The following COL20A1 variants were observed in gnomAD, a reference collection of about 807,000 sequenced individuals.
The protein encoded by COL20A1 is collagen alpha-1(XX) chain.
In COL20A1, 164 loss-of-function variants were observed where a neutral mutation model predicts 152.9. That is an observed-to-expected ratio of 1.07 (90% CI 0.94 to 1.22). The LOEUF (loss-of-function observed/expected upper bound fraction) is 1.22. Among genes scored for constraint, COL20A1 ranks in the 50% most tolerant of loss-of-function variants. The pLI is 0.00. For synonymous variants in COL20A1, 864 were observed against 756.0 expected (o/e 1.14, Z -2.34); for missense variants, 1,873 against 1,744.8 (o/e 1.07, Z -1.31).
At position 63,311,388 on chromosome 20, in the gene COL20A1, C is replaced by T. The variant is rs756737735; in HGVS notation, c.1394-6C>T. 4 of 1,577,792 alleles carry T rather than the reference C, an allele frequency of 2.5e-6. No individual in the cohort carries two copies. Among genetic ancestry groups the T allele is most frequent in the Non-Finnish European group, 3.4e-6 (4 of 1,163,444 alleles). On this transcript the variant is annotated splice_polypyrimidine_tract_variant and splice_region_variant and intron_variant, in intron 11 of 35. Coordinates refer to ENST00000358894, the MANE Select transcript of COL20A1 (RefSeq NM_020882.4). The surrounding 1 kb of genome is among the most constrained non-coding windows in gnomAD (Gnocchi z 4.4). ...CTTCCTAAAGTGTCCCTGCATGGCCCCCCAGCACCTCTGCCTCCGCCCCGG... is the reference window on the plus strand; with the variant it reads ...CTTCCTAAAGTGTCCCTGCATGGCCTCCCAGCACCTCTGCCTCCGCCCCGG...
At chr20:63,315,686 G>C (rs569414186) in intron 20 of COL20A1, among the ~76,000 whole-genome samples, 1 of 152,164 alleles carries the variant, frequency 6.6e-6, no homozygotes, top group Non-Finnish European at 1.5e-5. Context: ...GCAGCGCTGG[G>C]GGCGCTGGGT....
rs540834802 is a variant in COL20A1 at position 63,320,144 on chromosome 20, G to C, written c.3022G>C (p.Val1008Leu). 1.9e-6 allele frequency: 3 copies of C among 1,550,204 alleles called. No individual in the cohort carries two copies. The highest frequency in any genetic ancestry group is 4.9e-5 in the East Asian group (2 of 41,224). Residue 1008 changes from valine (V) to leucine (L), a missense_variant, in exon 24 of 36, where the codon GTC becomes CTC. Physicochemically the swap from Val to Leu is conservative, Grantham distance 32. Transcript: ENST00000358894. Reference sequence around the variant, plus strand: ...GGGCAGCCCACCCGCTGCGGGCTTCGTCACGCTGGGGAGGCTGGCCAAGGC... The same window carrying C: ...GGGCAGCCCACCCGCTGCGGGCTTCCTCACGCTGGGGAGGCTGGCCAAGGC... ...EMGSPPAAGF[V>L]TLGRLAKARG... is the part of the protein sequence containing the mutation.
rs1214340638 is a variant in COL20A1, at chr20:63,310,377, C to G, written c.1264-4C>G. On this transcript the variant is annotated splice_polypyrimidine_tract_variant and splice_region_variant and intron_variant, in intron 10 of 35. Transcript: ENST00000358894. ...TGGCTCCGTCCTTGCCCACTCTGTTCCAGGTGGTGGTGGAGGGACCCGCCG... is the reference window on the plus strand; with the variant it reads ...TGGCTCCGTCCTTGCCCACTCTGTTGCAGGTGGTGGTGGAGGGACCCGCCG... 3.7e-6 allele frequency: 6 copies of G among 1,610,848 alleles called. No individual in the cohort carries two copies. Among genetic ancestry groups the G allele is most frequent in the Non-Finnish European group, 4.2e-6 (5 of 1,179,258 alleles).
intron 8 of COL20A1, 119 bp downstream of exon 8, chr20:63,308,825 C>T (rs941316940): frequency 2.3e-5 from 21 of 923,488 alleles, no homozygotes; most frequent in Middle Eastern, 3.0e-4. Context: ...ATCTGCGGCA[C>T]GGAGCTGCAC....
Position 63,312,911 on chromosome 20 carries a change from C to CA in COL20A1, c.2053_2054insA (p.Leu685HisfsTer44), listed in dbSNP as rs751275992. On this transcript the variant is annotated frameshift_variant, in exon 16 of 36. Coordinates refer to ENST00000358894, the MANE Select transcript of COL20A1 (RefSeq NM_020882.4). LOFTEE classifies it high-confidence loss of function. ...TGTCTACCAGATCACGTGGACGCCC[C>CA]TGGGAGAGGGGAAGGCTCACGAGGT... 1 of 1,555,702 alleles carries CA rather than the reference C, an allele frequency of 6.4e-7. No individual in the cohort carries two copies. The highest frequency in any genetic ancestry group is 1.4e-5 in the African/African-American group (1 of 73,526).
chr20:63,317,812 G>A (rs1051183543), intron 21 of COL20A1, among the ~76,000 whole-genome samples: 3 of 151,850 alleles, frequency 2.0e-5, no homozygotes, highest in African/African-American at 7.3e-5. Flanking sequence ...CTCCTCTCTG[G>A]GCAGCAGGCT....
intron 3 of COL20A1, among the ~76,000 whole-genome samples, chr20:63,300,994 T>C (rs1287353616): frequency 6.6e-6 from 1 of 152,226 alleles, no homozygotes; most frequent in Non-Finnish European, 1.5e-5. Flanking sequence ...TGGCCAGAAA[T>C]GTACAATATG....
At position 63,313,920 on chromosome 20, in the gene COL20A1, C is replaced by G; in HGVS notation, c.2358+29C>G. The G allele has an allele frequency of 6.3e-7, 1 of 1,584,064 alleles. No homozygotes were observed. Among genetic ancestry groups the G allele is most frequent in the Non-Finnish European group, 8.6e-7 (1 of 1,164,948 alleles). ...AGTCTTGGTAGAGCCTGAGGCTGCC[C>G]CACCTCGTGGGGCCTCCTGGAAGGG... On this transcript the variant is annotated intron_variant, in intron 18 of 35. Coordinates refer to ENST00000358894, the MANE Select transcript of COL20A1 (RefSeq NM_020882.4). The surrounding 1 kb of genome is among the most constrained non-coding windows in gnomAD (Gnocchi z 5.9).
Position 63,329,633 on chromosome 20 carries a change from C to T in COL20A1, c.3830C>T (p.Ala1277Val). ...GQMGSPGQQG[A>V]STQGLWE Reference sequence around the variant, plus strand: ...ATGGGCAGCCCTGGGCAGCAGGGGGCTAGCACCCAGGGCCTCTGGGAGTGA... The same window carrying T: ...ATGGGCAGCCCTGGGCAGCAGGGGGTTAGCACCCAGGGCCTCTGGGAGTGA... Residue 1277 changes from alanine to valine, a missense_variant, in exon 35 of 36, where the codon GCT becomes GTT. By Grantham distance (64) the Ala-to-Val change is moderately conservative. Coordinates refer to ENST00000358894, the MANE Select transcript of COL20A1 (RefSeq NM_020882.4). 6.2e-7 allele frequency: 1 copy of T among 1,604,062 alleles called. No individual in the cohort carries two copies. Among genetic ancestry groups the T allele is most frequent in the Non-Finnish European group, 8.5e-7 (1 of 1,177,740 alleles).
intron 26 of COL20A1, 65 bp from the exon 27 acceptor site, chr20:63,321,993 T>A (rs2068171095): frequency 1.5e-6 from 2 of 1,364,446 alleles, no homozygotes; most frequent in South Asian, 2.7e-5. Flanking sequence ...GCTCAGGGGC[T>A]GGTCTTTGCT....
Position 63,310,530 on chromosome 20 carries a change from C to G in COL20A1, c.1393+20C>G. ...CCACAGGTAGGTGGGGCAGAGGCAG[C>G]GGCCAGGTTCTGGGTGGGAGGCCCC... On this transcript the variant is annotated intron_variant, in intron 11 of 35. Coordinates refer to ENST00000358894, the MANE Select transcript of COL20A1 (RefSeq NM_020882.4). 1.3e-6 allele frequency: 2 copies of G among 1,566,300 alleles called. No homozygotes were observed. The highest frequency in any genetic ancestry group is 1.7e-6 in the Non-Finnish European group (2 of 1,154,720).
intron 27 of COL20A1, 56 bp from the exon 28 acceptor site, chr20:63,325,385 G>T (rs756559315): frequency 7.4e-7 from 1 of 1,344,774 alleles, no homozygotes; most frequent in East Asian, 2.3e-5. Context: ...CTCCTTCCCT[G>T]CCCTCCTGCC....
Position 63,313,671 on chromosome 20 carries a change from C to G in COL20A1, c.2210-72C>G. 11 of 1,420,220 alleles carry G rather than the reference C, an allele frequency of 7.7e-6. No homozygotes were observed. The highest frequency in any genetic ancestry group is 1.0e-5 in the Non-Finnish European group (11 of 1,068,242). 88.0% of individuals were successfully genotyped at this position (1,420,220 alleles called of 1,614,324 possible). On this transcript the variant is annotated intron_variant, in intron 17 of 35. Transcript: ENST00000358894. The surrounding 1 kb of genome is among the most constrained non-coding windows in gnomAD (Gnocchi z 5.9). ...GCAGAGCAGGGTAGGGGCTGGGCAG[C>G]TGGTCCTCTGGCCACCGGGTGCCTC... is the stretch of plus-strand genomic sequence containing the variant.
Position 63,308,820 on chromosome 20 carries a change from C to T in COL20A1, c.940+114C>T, listed in dbSNP as rs1055663599. On this transcript the variant is annotated intron_variant, in intron 8 of 35. Transcript: ENST00000358894. ...CCCTGAGCCCCAGCTTCCACATCTG[C>T]GGCACGGAGCTGCACGCAGAGCCAG... 54 of 975,286 alleles carry T rather than the reference C, an allele frequency of 5.5e-5. No homozygotes were observed. In the African/African-American group the frequency reaches 5.8e-4, roughly 10 times the overall value. The allele number at this position is 975,286 out of a possible 1,614,324, so 60.4% of individuals were successfully genotyped here.
rs1347932521 is a variant in COL20A1 at position 63,329,294 on chromosome 20, C to G, written c.3782-291C>G. On this transcript the variant is annotated intron_variant, in intron 34 of 35. Coordinates refer to ENST00000358894, the MANE Select transcript of COL20A1 (RefSeq NM_020882.4). ...GTACATCACTACTCAGAATAAACGG[C>G]CCCCTCTGCACCCACCTGTCTAGAT... 6.7e-6 allele frequency: 3 copies of G among 444,470 alleles called. 1 individual carries two copies. The Admixed American group carries it at 1.1e-4, about 17-fold the overall frequency. 27.5% of individuals were successfully genotyped at this position (444,470 alleles called of 1,614,324 possible).
chr20:63,308,561 G>A lies in COL20A1; in HGVS notation c.795G>A (p.Val265=), dbSNP rs1459959345. 4.4e-6 allele frequency: 7 copies of A among 1,603,878 alleles called. No individual in the cohort carries two copies. Among genetic ancestry groups the A allele is most frequent in the Non-Finnish European group, 6.0e-6 (7 of 1,175,808 alleles). ...NTFTGLALTH[V]LGQNLQPAAG... is the part of the protein sequence containing the mutation. The stretch of plus-strand genomic sequence containing the variant: ...CCCAAGGCCTTGCCCTGACCCACGT[G>A]CTGGGGCAGAACCTGCAGCCGGCGG... The change falls in exon 8 of 36, where the codon GTG becomes GTA. Residue 265 remains valine, a synonymous_variant. Coordinates refer to ENST00000358894, the MANE Select transcript of COL20A1 (RefSeq NM_020882.4).
At chr20:63,307,289 A>C (rs556456079) in intron 5 of COL20A1, among the ~76,000 whole-genome samples, 1 of 152,316 alleles carries the variant, frequency 6.6e-6, no homozygotes, top group Admixed American at 6.5e-5. Flanking sequence ...AGGCTGCCTC[A>C]CATTAGCGGT....
In COL20A1 at chr20:63,306,063, A is replaced by C; in HGVS notation, c.496+24A>C. 1.3e-6 allele frequency: 2 copies of C among 1,566,194 alleles called. No individual in the cohort carries two copies. The highest frequency in any genetic ancestry group is 1.4e-5 in the African/African-American group (1 of 73,222). On this transcript the variant is annotated intron_variant, in intron 5 of 35. Coordinates refer to ENST00000358894, the MANE Select transcript of COL20A1 (RefSeq NM_020882.4). The surrounding 1 kb of genome is among the most constrained non-coding windows in gnomAD (Gnocchi z 6.9). ...TGGTGGGTCAGAGTGGAGAGAGAGT[A>C]AGTCTCCGGGGAGGGAGTGACCTTT...
intron 27 of COL20A1, 60 bp from the exon 28 acceptor site, chr20:63,325,381 C>A: frequency 7.6e-7 from 1 of 1,321,402 alleles, no homozygotes; most frequent in Non-Finnish European, 1.1e-6. Context: ...GTCACTCCTT[C>A]CCTGCCCTCC....
Sources: gnomAD v4.1 joint callset for allele counts (sites outside exome capture counted in the v4.1 genomes callset) on GRCh38, gnomAD v4.1.1 for gene constraint, Gnocchi (gnomAD v3.1) non-coding constraint, MANE v1.5 for transcripts, NCBI Gene and HGNC (gene_info 2026-07-23, HGNC 2026-07-21) for gene names.